Variants in AKAP4 observed in about 807,000 individuals in gnomAD.
AKAP4 encodes A-kinase anchoring protein 4, also known as A-kinase anchor protein 4.
A neutral mutation model predicts 42.6 loss-of-function variants in AKAP4; 4 were observed. The observed-to-expected ratio is 0.09, with a 90% CI of 0.05 to 0.22. The LOEUF (loss-of-function observed/expected upper bound fraction) is 0.22, where lower values mean the gene tolerates loss of function less well. Among genes scored for constraint, AKAP4 ranks in the 10% least tolerant of loss-of-function variants. The probability of loss-of-function intolerance (pLI) is 1.00; values close to 1 mark genes in which losing one functional copy is unlikely to be tolerated. For missense variants in AKAP4, 551 were observed against 630.7 expected (o/e 0.87, Z 1.35); for synonymous variants, 223 against 233.0 (o/e 0.96, Z 0.39).
intron 1 of AKAP4, among the ~76,000 whole-genome samples, chrX:50,199,167 A>G (rs1935229504): frequency 9.1e-6 from 1 of 110,445 alleles, no homozygotes; most frequent in Non-Finnish European, 1.9e-5. Context: ...AGCTCACGTT[A>G]CCCCCTCTAA....
chrX:50,197,375 C>T (rs1041008118), intron 3 of AKAP4, among the ~76,000 whole-genome samples, 169 bp downstream of exon 3: 4 of 110,791 alleles, frequency 3.6e-5, no homozygotes, highest in East Asian at 2.8e-4. Context: ...TCAAGAGTGA[C>T]GGTAAATTCA....
At chrX:50,197,493 C>T in intron 3 of AKAP4, 51 bp downstream of exon 3, 1 of 1,085,435 alleles carries the variant, frequency 9.2e-7, no homozygotes, top group Non-Finnish European at 1.3e-6. Flanking sequence ...TCACTGATAA[C>T]CCTTCTCAGC....
intron 4 of AKAP4, among the ~76,000 whole-genome samples, chrX:50,195,894 A>G (rs1480095017): frequency 9.0e-6 from 1 of 110,717 alleles, no homozygotes; most frequent in Non-Finnish European, 1.9e-5. Flanking sequence ...TCCACCCAAC[A>G]CTAACTACCA....
chrX:50,191,031 G>T lies in AKAP4; in HGVS notation c.2494C>A (p.Arg832=). 3 of 1,211,155 alleles carry T rather than the reference G, an allele frequency of 2.5e-6. No homozygotes were observed. Among genetic ancestry groups the T allele is most frequent in the Non-Finnish European group, 3.4e-6 (3 of 895,293 alleles). ...LQEVMKFAKE[R]QPDEAVGKVA... The stretch of plus-strand genomic sequence containing the variant: ...TTTCCCACAGCTTCATCTGGTTGCC[G>T]TTCCTTGGCAAACTTCATGACCTCT... The change falls in exon 6 of 6, where the codon CGG becomes AGG. Residue 832 remains arginine (R), a synonymous_variant. Transcript: ENST00000358526.
At position 50,200,921 on chromosome X, in the gene AKAP4, T is replaced by C. The variant is rs782765913; in HGVS notation, c.-32A>G. 9.2e-6 allele frequency: 11 copies of C among 1,195,130 alleles called. No homozygotes were observed. The highest frequency in any genetic ancestry group is 2.3e-4 in the Middle Eastern group (1 of 4,313). On this transcript the variant is annotated 5_prime_UTR_variant, in exon 1 of 6. Coordinates refer to ENST00000358526, the MANE Select transcript of AKAP4 (RefSeq NM_003886.3). ...CCCTGGAATGATGTTTTCTTGTTGATTTGGATGCTGTGATGACTCTTCCAG... is the reference window on the plus strand; with the variant it reads ...CCCTGGAATGATGTTTTCTTGTTGACTTGGATGCTGTGATGACTCTTCCAG...
intron 4 of AKAP4, among the ~76,000 whole-genome samples, chrX:50,196,064 T>C (rs1935187916): frequency 8.9e-6 from 1 of 112,118 alleles, no homozygotes; most frequent in African/African-American, 3.2e-5. Context: ...CAAAAATTAA[T>C]GCCAGGTATA....
At chrX:50,194,832 G>T (rs61067739) in intron 4 of AKAP4, among the ~76,000 whole-genome samples, 2,620 of 111,314 alleles carry the variant, frequency 0.024, 66 homozygotes, top group African/African-American at 0.082. Context: ...CTGTGTGTGT[G>T]TGCATATGTG....
chrX:50,193,716 G>A lies in AKAP4; in HGVS notation c.997C>T (p.Leu333Phe), dbSNP rs150206539. ...KEFADSISKG[L>F]MVYANQVASD... ...GCCACCTGATTTGCATAAACCATGAGCCCCTTGCTGATGGAATCTGCAAAT... is the reference window on the plus strand; with the variant it reads ...GCCACCTGATTTGCATAAACCATGAACCCCTTGCTGATGGAATCTGCAAAT... The change falls in exon 5 of 6, where the codon CTC (leucine) becomes TTC (phenylalanine). Residue 333 changes from leucine to phenylalanine, a missense_variant. Transcript: ENST00000358526. 1 of 1,209,285 alleles carries A rather than the reference G, an allele frequency of 8.3e-7. No homozygotes were observed. The highest frequency in any genetic ancestry group is 1.7e-5 in the African/African-American group (1 of 57,254).
chrX:50,190,846 G>A lies in AKAP4; in HGVS notation c.*114C>T. 3.4e-6 allele frequency: 3 copies of A among 884,634 alleles called. No individual in the cohort carries two copies. Among genetic ancestry groups the A allele is most frequent in the Non-Finnish European group, 4.7e-6 (3 of 641,018 alleles). 72.9% of individuals were successfully genotyped at this position (884,634 alleles called of 1,213,427 possible). A position where few individuals can be genotyped will look rare whatever the true frequency, so the allele number is the denominator to read the frequency against. On this transcript the variant is annotated 3_prime_UTR_variant, in exon 6 of 6. Coordinates refer to ENST00000358526, the MANE Select transcript of AKAP4 (RefSeq NM_003886.3). Reference sequence around the variant, plus strand: ...TACATTCACAGGCAACTGCTCAAGTGTATTGGGAAATACAGTTGTGTATTG... The same window carrying A: ...TACATTCACAGGCAACTGCTCAAGTATATTGGGAAATACAGTTGTGTATTG...
chrX:50,192,421 C>T lies in AKAP4; in HGVS notation c.2292G>A (p.Gln764=). 1 of 1,206,374 alleles carries T rather than the reference C, an allele frequency of 8.3e-7. No homozygotes were observed. The highest frequency in any genetic ancestry group is 1.1e-6 in the Non-Finnish European group (1 of 892,601). Reference sequence around the variant, plus strand: ...GCTTCTGCAAGCTATTTGTAGAGCACTGATTATTGACAATTACTTCATGTC... The same window carrying T: ...GCTTCTGCAAGCTATTTGTAGAGCATTGATTATTGACAATTACTTCATGTC... The part of the protein sequence containing the change: ...SLGHEVIVNN[Q]CSTNSLQKQL... The change falls in exon 5 of 6, where the codon CAG becomes CAA. Residue 764 remains glutamine (Q), a synonymous_variant. Coordinates refer to ENST00000358526, the MANE Select transcript of AKAP4 (RefSeq NM_003886.3).
At position 50,200,316 on chromosome X, in the gene AKAP4, C is replaced by A. The variant is rs571506297; in HGVS notation, c.27+547G>T. 9.5e-4 allele frequency: 714 copies of A among 752,992 alleles called. 1 individual carries two copies. The South Asian group carries it at 0.011, about 11-fold the overall frequency. The allele number at this position is 752,992 out of a possible 1,213,427, so 62.1% of individuals were successfully genotyped here. ...CCCCTTTAGATGGAACTGAGAAGTG[C>A]CAAGTTCTTGGGCACCTGCAGTTGG... On this transcript the variant is annotated intron_variant, in intron 1 of 5. Coordinates refer to ENST00000358526, the MANE Select transcript of AKAP4 (RefSeq NM_003886.3).
rs1935113984 is a variant in AKAP4, at chrX:50,191,670, A to AGAG, written c.2410-556_2410-555insCTC. Among the ~76,000 whole-genome samples, 22 of 89,958 alleles carry AGAG rather than the reference A, an allele frequency of 2.4e-4. No homozygotes were observed. In the East Asian group the frequency reaches 3.2e-3, roughly 13 times the overall value. 78.1% of individuals were successfully genotyped at this position (89,958 alleles called of 115,157 possible). The stretch of plus-strand genomic sequence containing the variant: ...TGTGTGTGTGTGTGTGAGAGAGAGA[A>AGAG]AGAGAGAGAGAGAGAGACAGAGAGA... On this transcript the variant is annotated intron_variant, in intron 5 of 5. Coordinates refer to ENST00000358526, the MANE Select transcript of AKAP4 (RefSeq NM_003886.3).
intron 1 of AKAP4, among the ~76,000 whole-genome samples, chrX:50,198,966 C>G (rs1935226761): frequency 9.0e-6 from 1 of 111,040 alleles, no homozygotes. Flanking sequence ...AATCCATAGT[C>G]TCCTTTAATT....
chrX:50,193,186 G>T lies in AKAP4; in HGVS notation c.1527C>A (p.Asn509Lys), dbSNP rs1195310309. ...CCTTGCATGAGTTTCCTTGCTTTTGGTTCCAGATGGTTAGGCCCTCTTTGA... is the reference window on the plus strand; with the variant it reads ...CCTTGCATGAGTTTCCTTGCTTTTGTTTCCAGATGGTTAGGCCCTCTTTGA... The part of the protein sequence containing the change: ...HILKEGLTIW[N>K]QKQGNSCKVA... Residue 509 changes from asparagine (N) to lysine (K), a missense_variant, in exon 5 of 6, where the codon AAC becomes AAA. By Grantham distance (94) the Asn-to-Lys change is moderately conservative. Coordinates refer to ENST00000358526, the MANE Select transcript of AKAP4 (RefSeq NM_003886.3). The T allele has an allele frequency of 8.3e-7, 1 of 1,209,912 alleles. No individual in the cohort carries two copies. Among genetic ancestry groups the T allele is most frequent in the African/African-American group, 1.8e-5 (1 of 57,108 alleles).
At position 50,196,886 on chromosome X, in the gene AKAP4, T is replaced by C; in HGVS notation, c.276+5A>G. ...AAGTGGTGGGATCTCAGAGGTTAAGTGTACCTTAGACTGGTCTTTCTTCTC... is the reference window on the plus strand; with the variant it reads ...AAGTGGTGGGATCTCAGAGGTTAAGCGTACCTTAGACTGGTCTTTCTTCTC... On this transcript the variant is annotated splice_donor_5th_base_variant and intron_variant, in intron 4 of 5. Coordinates refer to ENST00000358526, the MANE Select transcript of AKAP4 (RefSeq NM_003886.3). 1 of 1,175,585 alleles carries C rather than the reference T, an allele frequency of 8.5e-7. No individual in the cohort carries two copies. The highest frequency in any genetic ancestry group is 1.2e-6 in the Non-Finnish European group (1 of 862,822).
rs78668179 is a variant in AKAP4 at position 50,191,086 on chromosome X, C to T, written c.2439G>A (p.Glu813=). The T allele has an allele frequency of 6.1e-3, 7,334 of 1,208,662 alleles. 299 individuals are homozygous for T. The African/African-American group carries it at 0.11, about 19-fold the overall frequency. ...GAAGACCTCCTACACTGTACCCCTT[C>T]TCTGCTGCTTTAGCTGAAACCTGAG... ...KLPQVSAKAA[E]KGYSVGGLLQ... Residue 813 remains glutamate (E), a synonymous_variant, in exon 6 of 6, where the codon GAG becomes GAA. Transcript: ENST00000358526.
intron 4 of AKAP4, among the ~76,000 whole-genome samples, chrX:50,195,049 C>T (rs1935172108): frequency 9.0e-6 from 1 of 111,627 alleles, no homozygotes; most frequent in Non-Finnish European, 1.9e-5. Flanking sequence ...AATATAAATT[C>T]ACTAGTATGT....
At position 50,192,765 on chromosome X, in the gene AKAP4, C is replaced by T. The variant is rs1935129519; in HGVS notation, c.1948G>A (p.Glu650Lys). The change falls in exon 5 of 6, where the codon GAA (glutamate) becomes AAA (lysine). Residue 650 changes from glutamate (E) to lysine (K), a missense_variant. Glu to Lys is a moderately conservative substitution (Grantham distance 56). Coordinates refer to ENST00000358526, the MANE Select transcript of AKAP4 (RefSeq NM_003886.3). Reference protein sequence around the residue: ...ENPFKCEDPCEGENKCSEPRA... With the variant: ...ENPFKCEDPCKGENKCSEPRA... ...GGCTCAGAACACTTGTTCTCACCTT[C>T]GCATGGATCCTCACATTTGAAGGGG... 13 of 1,211,855 alleles carry T rather than the reference C, an allele frequency of 1.1e-5. No individual in the cohort carries two copies. Among genetic ancestry groups the T allele is most frequent in the East Asian group, 3.0e-5 (1 of 33,838 alleles).
intron 2 of AKAP4, 69 bp downstream of exon 2, chrX:50,198,588 G>C: frequency 1.2e-6 from 1 of 816,412 alleles, no homozygotes; most frequent in East Asian, 3.2e-5. Flanking sequence ...GTTTATCTTG[G>C]GCCCCAGGAT....
Sources: allele counts gnomAD v4.1 joint callset (sites outside exome capture counted in the v4.1 genomes callset), GRCh38; gene constraint gnomAD v4.1.1; transcripts MANE v1.5; gene names NCBI Gene and HGNC (gene_info 2026-07-23, HGNC 2026-07-21).